FGFR2: variants seen among roughly 807,000 people sequenced by gnomAD.
FGFR2 encodes BEK fibroblast growth factor receptor.
In FGFR2, 19 loss-of-function variants were observed where a neutral mutation model predicts 95.9. That is an observed-to-expected ratio of 0.20 (90% CI 0.14 to 0.29). The LOEUF is 0.29. Among genes scored for constraint, FGFR2 ranks in the 10% least tolerant of loss-of-function variants. FGFR2 has a pLI of 1.00. For synonymous variants in FGFR2, 392 were observed against 393.3 expected, an observed-to-expected ratio of 1.00 and a Z score of 0.04; for missense variants, 707 against 1,056.9, an observed-to-expected ratio of 0.67 and a Z score of 4.59.
chr10:121,542,149 AAC>A (rs1268960861), intron 5 of FGFR2, among the ~76,000 whole-genome samples: 2 of 152,230 alleles, frequency 1.3e-5, no homozygotes, highest in Non-Finnish European at 2.9e-5. Flanking sequence ...ATAAATGAAA[AAC>A]AGTTAATTCA....
At chr10:121,559,842 A>G (rs905000937) in intron 4 of FGFR2, among the ~76,000 whole-genome samples, 3 of 152,254 alleles carry the variant, frequency 2.0e-5, no homozygotes, top group East Asian at 1.9e-4. Context: ...CATAAGGTCC[A>G]CAGCATATAA....
intron 6 of FGFR2, chr10:121,526,948 G>C (rs973445080): frequency 7.6e-6 from 3 of 392,590 alleles, no homozygotes; most frequent in Non-Finnish European, 1.3e-5. Context: ...TGCAGAGAGA[G>C]TGAAGTCTGC....
intron 5 of FGFR2, among the ~76,000 whole-genome samples, chr10:121,542,165 T>C (rs1049061503): frequency 1.3e-5 from 2 of 152,136 alleles, no homozygotes; most frequent in African/African-American, 4.8e-5. Context: ...TAATTCATGA[T>C]TCCAATTTAT....
intron 2 of FGFR2, among the ~76,000 whole-genome samples, chr10:121,578,100 G>A (rs976123255): frequency 4.6e-5 from 7 of 151,982 alleles, no homozygotes; most frequent in African/African-American, 1.4e-4. Flanking sequence ...TCTGCAATGC[G>A]CCTAACCCAT....
intron 9 of FGFR2, among the ~76,000 whole-genome samples, chr10:121,510,083 G>C (rs375755685): frequency 2.1e-4 from 32 of 152,278 alleles, no homozygotes; most frequent in East Asian, 1.5e-3. Context: ...ACCACCGCAA[G>C]CTGGGTGCCT....
rs34753296 is a variant in FGFR2 at position 121,560,615 on chromosome 10, C to CAAAAAAA, written c.454+3880_454+3886dup. Among the ~76,000 whole-genome samples the CAAAAAAA allele has an allele frequency of 1.5e-3, 76 of 51,812 alleles. 5 individuals are homozygous for CAAAAAAA. Among genetic ancestry groups the CAAAAAAA allele is most frequent in the African/African-American group, 5.0e-3 (73 of 14,514 alleles). The allele number at this position is 51,812 out of a possible 152,430, so 34.0% of individuals were successfully genotyped here. A position where few individuals can be genotyped will look rare whatever the true frequency, so the allele number is the denominator to read the frequency against. On this transcript the variant is annotated intron_variant, in intron 4 of 17. Coordinates refer to ENST00000358487, the MANE Select transcript of FGFR2 (RefSeq NM_000141.5). ...GGGCAACAGAGCAAGACTCCGTCCC[C>CAAAAAAA]AAAAAAAAAAAAAAAAAAAAAAAAA... is the stretch of plus-strand genomic sequence containing the variant.
In FGFR2 at chr10:121,591,009, ACACTCT is replaced by A. The variant is rs1234480303; in HGVS notation, c.109+2694_109+2699del. Among the ~76,000 whole-genome samples the A allele has an allele frequency of 6.4e-3, 907 of 142,692 alleles. 6 individuals are homozygous for A. Among genetic ancestry groups the A allele is most frequent in the African/African-American group, 0.012 (459 of 37,926 alleles). 93.6% of individuals were successfully genotyped at this position (142,692 alleles called of 152,430 possible). ...CTCGCGCACACACACACACACACGC[ACACTCT>A]CTCTCTCTCTCTCTCTCTTCCAATT... On this transcript the variant is annotated intron_variant, in intron 2 of 17. Transcript: ENST00000358487.
Position 121,483,710 on chromosome 10 carries a change from G to T in FGFR2, c.2289C>A (p.Leu763=). The change falls in exon 17 of 18, where the codon CTC becomes CTA. Residue 763 remains leucine (L), a synonymous_variant. Transcript: ENST00000358487. The part of the protein sequence containing the change: ...LVEDLDRILT[L]TTNEEYLDLS... ...AGGAAGTTCTTACCTCATTGGTTGT[G>T]AGAGTGAGAATTCGATCCAAGTCTT... 1 of 1,613,536 alleles carries T rather than the reference G, an allele frequency of 6.2e-7. No individual in the cohort carries two copies. Among genetic ancestry groups the T allele is most frequent in the Non-Finnish European group, 8.5e-7 (1 of 1,179,600 alleles).
chr10:121,597,085 G>A (rs899933292), intron 1 of FGFR2, among the ~76,000 whole-genome samples: 3 of 152,216 alleles, frequency 2.0e-5, no homozygotes, highest in Non-Finnish European at 4.4e-5. Flanking sequence ...TGGGAGAAAG[G>A]AAGGAGGGTC....
intron 6 of FGFR2, among the ~76,000 whole-genome samples, chr10:121,524,204 T>C (rs1045761448): frequency 3.3e-5 from 5 of 151,364 alleles, no homozygotes; most frequent in South Asian, 2.1e-4. Context: ...ATACCAAATG[T>C]TACACGCTTG....
intron 6 of FGFR2, chr10:121,526,726 C>A (rs752631127): frequency 1.8e-5 from 7 of 398,540 alleles, no homozygotes; most frequent in Non-Finnish European, 3.1e-5. Context: ...CACCCAGAAT[C>A]ACCTGTTTTG....
At chr10:121,534,509 C>T (rs1467479219) in intron 6 of FGFR2, among the ~76,000 whole-genome samples, 3 of 152,098 alleles carry the variant, frequency 2.0e-5, no homozygotes, top group Non-Finnish European at 4.4e-5. Flanking sequence ...AATTCTCCTA[C>T]CTCAGCTTCC....
intron 2 of FGFR2, among the ~76,000 whole-genome samples, chr10:121,586,923 C>G (rs904913794): frequency 2.0e-5 from 3 of 152,122 alleles, no homozygotes; most frequent in African/African-American, 7.2e-5. Context: ...AAGAACTTAG[C>G]CTCTGAATAG....
chr10:121,568,952 C>T (rs370571673), intron 2 of FGFR2, among the ~76,000 whole-genome samples: 3 of 152,250 alleles, frequency 2.0e-5, no homozygotes, highest in Admixed American at 6.5e-5. Flanking sequence ...TGAGTTCCCA[C>T]GCCTCTCCAT....
intron 15 of FGFR2, among the ~76,000 whole-genome samples, chr10:121,486,340 T>G (rs1047833751): frequency 3.9e-5 from 6 of 152,192 alleles, no homozygotes; most frequent in Non-Finnish European, 7.3e-5. Flanking sequence ...AAAAATGGGA[T>G]AGTCATGTCT....
intron 6 of FGFR2, among the ~76,000 whole-genome samples, chr10:121,532,848 G>A (rs1017893945): frequency 1.3e-5 from 2 of 152,162 alleles, no homozygotes; most frequent in Non-Finnish European, 2.9e-5. Flanking sequence ...GCTCTGGTAC[G>A]GATTCCTGTG....
chr10:121,489,478 T>G (rs1457373943), intron 13 of FGFR2, among the ~76,000 whole-genome samples: 1 of 152,212 alleles, frequency 6.6e-6, no homozygotes, highest in East Asian at 1.9e-4. Flanking sequence ...TCCCTTCAAA[T>G]AGAGGAATTG....
At position 121,487,343 on chromosome 10, in the gene FGFR2, G is replaced by C. The variant is rs1341414042; in HGVS notation, c.2057+11C>G. 2 of 1,610,068 alleles carry C rather than the reference G, an allele frequency of 1.2e-6. No individual in the cohort carries two copies. Among genetic ancestry groups the C allele is most frequent in the Admixed American group, 1.7e-5 (1 of 60,012 alleles). On this transcript the variant is annotated intron_variant, in intron 15 of 17. Transcript: ENST00000358487. ...GCCCAGGAAAAAGCCAGAGAAAAGA[G>C]AGTTACTCACACATCACTCTGATGA...
intron 14 of FGFR2, 138 bp from the exon 15 acceptor site, chr10:121,487,562 C>A (rs1274628508): frequency 2.7e-6 from 2 of 729,130 alleles, no homozygotes; most frequent in East Asian, 5.4e-5. Context: ...AAATCAGTCC[C>A]AATGAGGACC....
Sources: allele counts gnomAD v4.1 joint callset (sites outside exome capture counted in the v4.1 genomes callset), GRCh38; gene constraint gnomAD v4.1.1; transcripts MANE v1.5; gene names NCBI Gene and HGNC (gene_info 2026-07-23, HGNC 2026-07-21).